DENND6B: variants seen among roughly 807,000 people sequenced by gnomAD.
DENND6B encodes the protein protein DENND6B.
Under a neutral mutation model 85.1 loss-of-function variants are expected in DENND6B, and 73 were observed. The ratio of observed to expected loss-of-function variants is 0.86; its 90% CI spans 0.71 to 1.04. The LOEUF (loss-of-function observed/expected upper bound fraction) is 1.04, where lower values mean the gene tolerates loss of function less well. Ranked by LOEUF, DENND6B falls within the 50% of genes least tolerant of loss-of-function variation. The pLI is 0.00. For synonymous variants in DENND6B, 357 were observed against 329.3 expected, an observed-to-expected ratio of 1.08 and a Z score of -0.91; for missense variants, 715 against 785.8, an observed-to-expected ratio of 0.91 and a Z score of 1.08.
At position 50,318,983 on chromosome 22, in the gene DENND6B, G is replaced by C. The variant is rs1012797479; in HGVS notation, c.198C>G (p.Phe66Leu). The C allele has an allele frequency of 6.2e-7, 1 of 1,603,470 alleles. No individual in the cohort carries two copies. Among genetic ancestry groups the C allele is most frequent in the African/African-American group, 1.3e-5 (1 of 74,684 alleles). ...GACTCACCTCCTTGTCTGTGAGCCG[G>C]AAGTCGTTCGGATACACCAGCTGCA... ...QALELVYPND[F>L]RLTDKEKSSI... The change falls in exon 2 of 20, where the codon TTC becomes TTG. Residue 66 changes from phenylalanine (F) to leucine (L), a missense_variant. Phe to Leu is a conservative substitution (Grantham distance 22, BLOSUM62 0). Coordinates refer to ENST00000413817, the MANE Select transcript of DENND6B (RefSeq NM_001001794.4).
chr22:50,321,983 A>G (rs1208247836), intron 1 of DENND6B, among the ~76,000 whole-genome samples: 2 of 152,038 alleles, frequency 1.3e-5, no homozygotes, highest in Admixed American at 6.6e-5. Context: ...AGCCTGTGCT[A>G]CCACGCCCAG....
At position 50,315,732 on chromosome 22, in the gene DENND6B, T is replaced by C. The variant is rs1358525956; in HGVS notation, c.740A>G (p.His247Arg). 1.3e-6 allele frequency: 2 copies of C among 1,559,822 alleles called. No individual in the cohort carries two copies. The highest frequency in any genetic ancestry group is 1.7e-6 in the Non-Finnish European group (2 of 1,153,672). Reference protein sequence around the residue: ...LPAPVVLASVHELDLFRCFRP... With the variant: ...LPAPVVLASVRELDLFRCFRP... The stretch of plus-strand genomic sequence containing the variant: ...GGCTCACCTGAACAGGTCCAGCTCG[T>C]GGACGCTAGCAAGAACCACTGGGGC... The change falls in exon 9 of 20, where the codon CAC (histidine) becomes CGC (arginine). Residue 247 changes from histidine to arginine, a missense_variant. By Grantham distance (29) the His-to-Arg change is conservative. Transcript: ENST00000413817.
Position 50,315,731 on chromosome 22 carries a change from G to A in DENND6B, c.741C>T (p.His247=), listed in dbSNP as rs371493754. ...LPAPVVLASV[H]ELDLFRCFRP... ...GGGCTCACCTGAACAGGTCCAGCTC[G>A]TGGACGCTAGCAAGAACCACTGGGG... is the stretch of plus-strand genomic sequence containing the variant. The change falls in exon 9 of 20, where the codon CAC becomes CAT. Residue 247 remains histidine (H), a synonymous_variant. Transcript: ENST00000413817. 3.3e-5 allele frequency: 52 copies of A among 1,559,144 alleles called. No individual in the cohort carries two copies. Among genetic ancestry groups the A allele is most frequent in the South Asian group, 2.2e-4 (18 of 83,318 alleles).
chr22:50,316,545 G>A lies in DENND6B; in HGVS notation c.454-70C>T, dbSNP rs750944204. ...CCCTCGCCACTCAGGAGCCCACGGG[G>A]ACCACCGAAGCCACGCTCACCTGGA... is the stretch of plus-strand genomic sequence containing the variant. On this transcript the variant is annotated intron_variant, in intron 5 of 19. Transcript: ENST00000413817. 10 of 1,547,876 alleles carry A rather than the reference G, an allele frequency of 6.5e-6. 1 individual carries two copies. In the African/African-American group the frequency reaches 1.2e-4, roughly 19 times the overall value.
chr22:50,309,242 C>T lies in DENND6B; in HGVS notation c.*2897G>A, dbSNP rs2068028108. The T allele has an allele frequency of 6.6e-6, 1 of 152,258 alleles. No individual in the cohort carries two copies. Among genetic ancestry groups the T allele is most frequent in the Admixed American group, 6.5e-5 (1 of 15,278 alleles). 9.4% of individuals were successfully genotyped at this position (152,258 alleles called of 1,614,324 possible). On this transcript the variant is annotated 3_prime_UTR_variant, in exon 20 of 20. Transcript: ENST00000413817. Reference sequence around the variant, plus strand: ...CCCTCTAGGTTCTGTGGTCCCTGTCCTTCGGGAGGCCTGTGACCACAGCAG... The same window carrying T: ...CCCTCTAGGTTCTGTGGTCCCTGTCTTTCGGGAGGCCTGTGACCACAGCAG...
intron 13 of DENND6B, 86 bp from the exon 14 acceptor site, chr22:50,313,964 G>A: frequency 1.4e-6 from 2 of 1,463,728 alleles, no homozygotes; most frequent in Non-Finnish European, 1.8e-6. Flanking sequence ...CAGGGTGGGG[G>A]TCTCATCTGC....
chr22:50,312,643 C>T lies in DENND6B; in HGVS notation c.1458-18G>A, dbSNP rs774959098. 14 of 1,550,420 alleles carry T rather than the reference C, an allele frequency of 9.0e-6. No homozygotes were observed. Among genetic ancestry groups the T allele is most frequent in the African/African-American group, 2.8e-5 (2 of 72,582 alleles). On this transcript the variant is annotated intron_variant, in intron 17 of 19. Coordinates refer to ENST00000413817, the MANE Select transcript of DENND6B (RefSeq NM_001001794.4). ...AAAACCGCCTGTGGGGATTAACAGG[C>T]GGGGGGCCATGGGGCTGACCCTGGG...
At chr22:50,326,532 G>A (rs1278500793) in intron 1 of DENND6B, among the ~76,000 whole-genome samples, 2 of 152,222 alleles carry the variant, frequency 1.3e-5, no homozygotes, top group African/African-American at 4.8e-5. Flanking sequence ...GAATGGAGGG[G>A]GGAGATGTGA....
At chr22:50,320,380 T>G (rs1601829635) in intron 1 of DENND6B, among the ~76,000 whole-genome samples, 2 of 152,324 alleles carry the variant, frequency 1.3e-5, no homozygotes, top group African/African-American at 4.8e-5. Flanking sequence ...CACGCCCAGC[T>G]TGCTCTGTGA....
At position 50,313,194 on chromosome 22, in the gene DENND6B, C is replaced by A. The variant is rs1312433026; in HGVS notation, c.1348-86G>T. On this transcript the variant is annotated intron_variant, in intron 16 of 19. Coordinates refer to ENST00000413817, the MANE Select transcript of DENND6B (RefSeq NM_001001794.4). ...CGCTTCCCAGACACACTCCTCACCA[C>A]TTCTGAAGACCCCCAGCCCCCACCC... 5.2e-6 allele frequency: 7 copies of A among 1,335,158 alleles called. No homozygotes were observed. The Admixed American group carries it at 1.4e-4, about 27-fold the overall frequency. The allele number at this position is 1,335,158 out of a possible 1,614,324, so 82.7% of individuals were successfully genotyped here. A position where few individuals can be genotyped will look rare whatever the true frequency, so the allele number is the denominator to read the frequency against.
chr22:50,309,043 G>T lies in DENND6B; in HGVS notation c.*3096C>A, dbSNP rs868515811. On this transcript the variant is annotated 3_prime_UTR_variant, in exon 20 of 20. Coordinates refer to ENST00000413817, the MANE Select transcript of DENND6B (RefSeq NM_001001794.4). ...GAAAAGACAAGGTCCAGTCACAAAA[G>T]GACATTTTAATACCAAAACTGTGGG... 6.6e-6 allele frequency: 1 copy of T among 152,184 alleles called. No homozygotes were observed. The highest frequency in any genetic ancestry group is 1.5e-5 in the Non-Finnish European group (1 of 68,036). The allele number at this position is 152,184 out of a possible 1,614,324, so 9.4% of individuals were successfully genotyped here.
intron 1 of DENND6B, 104 bp downstream of exon 1, chr22:50,326,708 G>T: frequency 9.2e-7 from 1 of 1,085,536 alleles, no homozygotes. Flanking sequence ...GCGGCCGAAG[G>T]CCAGGGAGAG....
At chr22:50,318,094 G>A (rs1291624683) in intron 3 of DENND6B, 74 bp from the exon 4 acceptor site, 40 of 1,496,876 alleles carry the variant, frequency 2.7e-5, no homozygotes, top group Non-Finnish European at 3.6e-5. Context: ...TGGTGACCGG[G>A]GAGCAAGGGC....
In DENND6B at chr22:50,311,727, A is replaced by T. The variant is rs2068063054; in HGVS notation, c.*412T>A. ...GACAAGACGGGGGCTGTGTCAGGAG[A>T]GGGTCCCTCCTGTCCTGGGCAGCCT... On this transcript the variant is annotated 3_prime_UTR_variant, in exon 20 of 20. Coordinates refer to ENST00000413817, the MANE Select transcript of DENND6B (RefSeq NM_001001794.4). 5.0e-6 allele frequency: 1 copy of T among 198,844 alleles called. No individual in the cohort carries two copies. Among genetic ancestry groups the T allele is most frequent in the Admixed American group, 5.3e-5 (1 of 18,716 alleles). 12.3% of individuals were successfully genotyped at this position (198,844 alleles called of 1,614,324 possible).
intron 13 of DENND6B, 123 bp from the exon 14 acceptor site, chr22:50,314,001 C>T: frequency 7.4e-7 from 1 of 1,358,362 alleles, no homozygotes; most frequent in Non-Finnish European, 9.7e-7. Context: ...TTGGCTGCAC[C>T]TGAAAATCTC....
chr22:50,311,305 A>G lies in DENND6B; in HGVS notation c.*834T>C, dbSNP rs1182092951. ...TAGGGACGTTCACCCCTTACCAAGG[A>G]AAGGGAGACATGCAGGCTCCAGCCA... On this transcript the variant is annotated 3_prime_UTR_variant, in exon 20 of 20. Transcript: ENST00000413817. 1.3e-5 allele frequency: 2 copies of G among 152,268 alleles called. No homozygotes were observed. The highest frequency in any genetic ancestry group is 4.8e-5 in the African/African-American group (2 of 41,448). 9.4% of individuals were successfully genotyped at this position (152,268 alleles called of 1,614,324 possible).
intron 13 of DENND6B, 154 bp from the exon 14 acceptor site, chr22:50,314,032 C>T: frequency 7.9e-7 from 1 of 1,270,648 alleles, no homozygotes; most frequent in Non-Finnish European, 1.1e-6. Context: ...CCCCCAGACA[C>T]CGAGACCCAC....
At chr22:50,319,810 C>T (rs1472774482) in intron 1 of DENND6B, among the ~76,000 whole-genome samples, 1 of 152,264 alleles carries the variant, frequency 6.6e-6, no homozygotes, top group African/African-American at 2.4e-5. Context: ...CCTCCCCCTG[C>T]CAGGGCCTGT....
At position 50,314,292 on chromosome 22, in the gene DENND6B, G is replaced by A. The variant is rs777631824; in HGVS notation, c.1073-20C>T. On this transcript the variant is annotated intron_variant, in intron 12 of 19. Transcript: ENST00000413817. ...GGTCTCCTACGAGACACGCCCGGTG[G>A]CCAGGCCTCAGTGCCCGCAGCTCTG... 1.3e-5 allele frequency: 21 copies of A among 1,607,192 alleles called. No individual in the cohort carries two copies. The highest frequency in any genetic ancestry group is 2.2e-5 in the South Asian group (2 of 90,616).
Sources: allele counts gnomAD v4.1 joint callset (sites outside exome capture counted in the v4.1 genomes callset), GRCh38; gene constraint gnomAD v4.1.1; transcripts MANE v1.5; gene names NCBI Gene and HGNC (gene_info 2026-07-23, HGNC 2026-07-21).